The following EFCAB14 variants were observed in gnomAD, a reference collection of about 807,000 sequenced individuals.
EFCAB14 encodes the protein EF-hand calcium binding domain 14, also known as EF-hand calcium-binding domain-containing protein 14.
Under a neutral mutation model 56.5 loss-of-function variants are expected in EFCAB14, and 43 were observed. That is an observed-to-expected ratio of 0.76 (90% CI 0.60 to 0.98). EFCAB14 has a LOEUF of 0.98. Ranked by LOEUF, EFCAB14 falls within the 50% of genes least tolerant of loss-of-function variation. EFCAB14 has a pLI of 0.00. For synonymous variants in EFCAB14, 235 were observed against 212.9 expected (o/e 1.10, Z -0.90); for missense variants, 538 against 580.3 (o/e 0.93, Z 0.75).
intron 2 of EFCAB14, among the ~76,000 whole-genome samples, chr1:46,714,201 G>C (rs1440320317): frequency 6.6e-6 from 1 of 152,156 alleles, no homozygotes; most frequent in Non-Finnish European, 1.5e-5. Flanking sequence ...CAATCTTCTA[G>C]GCTTCAGATG....
intron 2 of EFCAB14, among the ~76,000 whole-genome samples, chr1:46,710,351 T>C (rs552458182): frequency 6.6e-6 from 1 of 152,186 alleles, no homozygotes; most frequent in Non-Finnish European, 1.5e-5. Context: ...GAATATTTGA[T>C]ATCCTCCTTA....
intron 2 of EFCAB14, among the ~76,000 whole-genome samples, chr1:46,712,970 T>C (rs935556731): frequency 6.6e-6 from 1 of 151,820 alleles, no homozygotes; most frequent in Non-Finnish European, 1.5e-5. Flanking sequence ...GCCGAGATCA[T>C]GCCATTGCAC....
chr1:46,678,674 A>T, intron 10 of EFCAB14, 38 bp from the exon 11 acceptor site: 1 of 1,558,700 alleles, frequency 6.4e-7, no homozygotes, highest in Non-Finnish European at 8.7e-7. Flanking sequence ...ATACGTCTAA[A>T]CATACAGCTA....
rs1676685077 is a variant in EFCAB14, at chr1:46,675,788, T to A, written c.*2673A>T. 6.6e-6 allele frequency: 1 copy of A among 152,230 alleles called. No individual in the cohort carries two copies. The highest frequency in any genetic ancestry group is 2.4e-5 in the African/African-American group (1 of 41,462). The allele number at this position is 152,230 out of a possible 1,614,324, so 9.4% of individuals were successfully genotyped here. A position where few individuals can be genotyped will look rare whatever the true frequency, so the allele number is the denominator to read the frequency against. On this transcript the variant is annotated 3_prime_UTR_variant, in exon 11 of 11. Transcript: ENST00000371933. ...TCTCTTCTTTTGGTTCTTCTTTTTA[T>A]ATGCTACCTTTTTGCCTCTCTGATT...
chr1:46,688,241 CA>C, intron 7 of EFCAB14, 111 bp downstream of exon 7: 1 of 1,029,480 alleles, frequency 9.7e-7, no homozygotes. Context: ...AAGCACAACA[CA>C]AATGTGTGGC....
At chr1:46,688,583 G>A (rs1261309117) in intron 6 of EFCAB14, 39 bp from the exon 7 acceptor site, 5 of 1,579,594 alleles carry the variant, frequency 3.2e-6, no homozygotes, top group Non-Finnish European at 4.3e-6. Context: ...ATCCACTAAA[G>A]ACGTAAATTA....
Position 46,718,252 on chromosome 1 carries a change from A to G in EFCAB14, c.-165T>C, listed in dbSNP as rs1196750198. The G allele has an allele frequency of 1.6e-6, 1 of 621,508 alleles. No individual in the cohort carries two copies. The highest frequency in any genetic ancestry group is 1.8e-5 in the African/African-American group (1 of 54,378). 38.5% of individuals were successfully genotyped at this position (621,508 alleles called of 1,614,324 possible). ...GTGGGACTGACCAGATCCGCCAGGG[A>G]CTGGAGATTGGAGCCCAGAGGAAAC... On this transcript the variant is annotated 5_prime_UTR_variant, in exon 1 of 11. Transcript: ENST00000371933.
Position 46,693,012 on chromosome 1 carries a change from A to C in EFCAB14, c.580-1075T>G, listed in dbSNP as rs549684008. 9.8e-5 allele frequency among the ~76,000 whole-genome samples: 15 copies of C among 152,324 alleles called. No individual in the cohort carries two copies. In the South Asian group the frequency reaches 3.1e-3, roughly 32 times the overall value. On this transcript the variant is annotated intron_variant, in intron 4 of 10. Transcript: ENST00000371933. ...CAGTAGACTGCCACTTGTTAGGAGCAAAGGACACTTCGAGCAAAAGTGGGA... is the reference window on the plus strand; with the variant it reads ...CAGTAGACTGCCACTTGTTAGGAGCCAAGGACACTTCGAGCAAAAGTGGGA...
Position 46,686,950 on chromosome 1 carries a change from A to C in EFCAB14, c.988-80T>G, listed in dbSNP as rs1676892884. On this transcript the variant is annotated intron_variant, in intron 7 of 10. Transcript: ENST00000371933. ...AAAACTTGAACACCTAGCACTTTTA[A>C]ACAAATTCGTCAAACTTATTTAAAG... 22 of 1,329,184 alleles carry C rather than the reference A, an allele frequency of 1.7e-5. No individual in the cohort carries two copies. The South Asian group carries it at 2.3e-4, about 14-fold the overall frequency. The allele number at this position is 1,329,184 out of a possible 1,614,324, so 82.3% of individuals were successfully genotyped here.
At chr1:46,686,701 C>A (rs1349229836) in intron 8 of EFCAB14, 83 bp downstream of exon 8, 3 of 1,372,470 alleles carry the variant, frequency 2.2e-6, no homozygotes, top group East Asian at 2.4e-5. Context: ...AAAGTACGCC[C>A]TTTGAAAAAG....
At chr1:46,717,152 ACT>A (rs1269593317) in intron 1 of EFCAB14, among the ~76,000 whole-genome samples, 2 of 152,184 alleles carry the variant, frequency 1.3e-5, no homozygotes, top group Non-Finnish European at 2.9e-5. Flanking sequence ...TAGAAATCAA[ACT>A]CTTCCTTTAA....
intron 7 of EFCAB14, among the ~76,000 whole-genome samples, 168 bp downstream of exon 7, chr1:46,688,185 A>G (rs1050446212): frequency 9.9e-5 from 15 of 152,150 alleles, no homozygotes; most frequent in Non-Finnish European, 1.9e-4. Flanking sequence ...CATTCACATC[A>G]CACAGCTAGT....
chr1:46,708,487 T>C (rs529134243), intron 2 of EFCAB14, among the ~76,000 whole-genome samples: 1 of 152,334 alleles, frequency 6.6e-6, no homozygotes, highest in South Asian at 2.1e-4. Flanking sequence ...TGCTAAGTAC[T>C]GACCAGCTCA....
chr1:46,684,263 A>G (rs1010077923), intron 9 of EFCAB14: 1 of 504,438 alleles, frequency 2.0e-6, no homozygotes, highest in African/African-American at 1.9e-5. Context: ...GGAGAATTCT[A>G]TTTCCAGCTA....
chr1:46,691,611 C>T (rs996509679), intron 5 of EFCAB14, among the ~76,000 whole-genome samples: 16 of 152,184 alleles, frequency 1.1e-4, no homozygotes, highest in Admixed American at 9.2e-4. Flanking sequence ...TATTACCTTA[C>T]CTCCTCCAGT....
In EFCAB14 at chr1:46,717,977, G is replaced by T. The variant is rs1289697918; in HGVS notation, c.111C>A (p.Pro37=). The change falls in exon 1 of 11, where the codon CCC becomes CCA. Residue 37 remains proline, a synonymous_variant. Transcript: ENST00000371933. The part of the protein sequence containing the change: ...SSHRLLRTEP[P]DSDSESSSEE... Reference sequence around the variant, plus strand: ...CGGAGCTGGACTCAGAGTCTGAGTCGGGAGGCTCAGTGCGAAGCAGGCGGT... The same window carrying T: ...CGGAGCTGGACTCAGAGTCTGAGTCTGGAGGCTCAGTGCGAAGCAGGCGGT... 1 of 1,614,144 alleles carries T rather than the reference G, an allele frequency of 6.2e-7. No individual in the cohort carries two copies. The highest frequency in any genetic ancestry group is 1.1e-5 in the South Asian group (1 of 91,072).
intron 5 of EFCAB14, among the ~76,000 whole-genome samples, 177 bp downstream of exon 5, chr1:46,691,644 CTTTTAA>C (rs1569700457): frequency 6.6e-6 from 1 of 152,172 alleles, no homozygotes. Flanking sequence ...AAAGATTTGG[CTTTTAA>C]TTTTATCTAC....
chr1:46,680,420 C>A (rs1039063968), intron 10 of EFCAB14, among the ~76,000 whole-genome samples: 6 of 151,994 alleles, frequency 3.9e-5, no homozygotes, highest in African/African-American at 1.5e-4. Flanking sequence ...CATGAATAGA[C>A]CATAAAAACA....
At chr1:46,701,507 T>C (rs1677157533) in intron 3 of EFCAB14, among the ~76,000 whole-genome samples, 1 of 152,198 alleles carries the variant, frequency 6.6e-6, no homozygotes, top group Non-Finnish European at 1.5e-5. Context: ...TTCTTCCAGG[T>C]ACTGAAAGTT....
Sources: allele counts gnomAD v4.1 joint callset (sites outside exome capture counted in the v4.1 genomes callset), GRCh38; gene constraint gnomAD v4.1.1; transcripts MANE v1.5; gene names NCBI Gene and HGNC (gene_info 2026-07-23, HGNC 2026-07-21).